ESYT2: variants seen among roughly 807,000 people sequenced by gnomAD.
The protein encoded by ESYT2 is extended synaptotagmin-2.
In ESYT2, 54 loss-of-function variants were observed where a neutral mutation model predicts 107.2. The observed-to-expected ratio is 0.50, with a 90% CI of 0.40 to 0.63. ESYT2 has a LOEUF of 0.63. Among genes scored for constraint, ESYT2 ranks in the 30% least tolerant of loss-of-function variants. The probability of loss-of-function intolerance (pLI) is 0.00; values close to 1 mark genes in which losing one functional copy is unlikely to be tolerated. For missense variants in ESYT2, 1,020 were observed against 1,094.5 expected (o/e 0.93, Z 0.96); for synonymous variants, 491 against 434.1 (o/e 1.13, Z -1.63).
chr7:158,806,444 G>A (rs901150923), intron 1 of ESYT2, among the ~76,000 whole-genome samples: 1 of 152,074 alleles, frequency 6.6e-6, no homozygotes, highest in Non-Finnish European at 1.5e-5. Flanking sequence ...TTTTAAAGGG[G>A]TTAAGCCCCC....
chr7:158,747,613 T>G (rs972464541), intron 16 of ESYT2, among the ~76,000 whole-genome samples: 1 of 152,160 alleles, frequency 6.6e-6, no homozygotes, highest in Non-Finnish European at 1.5e-5. Flanking sequence ...TCGGTGGGAA[T>G]GTGACACGGC....
intron 17 of ESYT2, among the ~76,000 whole-genome samples, chr7:158,743,241 T>C (rs1471403418): frequency 3.3e-5 from 5 of 152,176 alleles, no homozygotes; most frequent in Non-Finnish European, 7.3e-5. Flanking sequence ...AGGATAACGG[T>C]AAGGTTGCTG....
At chr7:158,763,755 A>T (rs1278390775) in intron 9 of ESYT2, among the ~76,000 whole-genome samples, 1 of 152,164 alleles carries the variant, frequency 6.6e-6, no homozygotes, top group African/African-American at 2.4e-5. Context: ...TCACTCCAAC[A>T]AGGTCATGAT....
chr7:158,769,228 C>T (rs1345114384), intron 7 of ESYT2, among the ~76,000 whole-genome samples: 2 of 152,278 alleles, frequency 1.3e-5, no homozygotes, highest in East Asian at 3.9e-4. Flanking sequence ...AAAAGAAAAA[C>T]CATATGTAAC....
At chr7:158,737,287 C>T in intron 19 of ESYT2, 108 bp from the exon 20 acceptor site, 2 of 1,393,418 alleles carry the variant, frequency 1.4e-6, no homozygotes, top group Non-Finnish European at 1.9e-6. Context: ...TATCTACAAA[C>T]CGAGAAGCAA....
At chr7:158,788,169 C>T (rs763945708) in intron 5 of ESYT2, 76 bp from the exon 6 acceptor site, 40 of 1,311,578 alleles carry the variant, frequency 3.0e-5, no homozygotes, top group Non-Finnish European at 3.8e-5. Flanking sequence ...AGTTTGCATG[C>T]GAATCTTAGT....
intron 16 of ESYT2, 24 bp downstream of exon 16, chr7:158,748,170 G>A (rs1204964938): frequency 6.2e-7 from 1 of 1,602,076 alleles, no homozygotes; most frequent in Non-Finnish European, 8.5e-7. Flanking sequence ...TCAATAAATT[G>A]GTTAAAAAAT....
chr7:158,825,507 T>C (rs2129474434), intron 1 of ESYT2, among the ~76,000 whole-genome samples: 1 of 152,346 alleles, frequency 6.6e-6, no homozygotes, highest in Non-Finnish European at 1.5e-5. Context: ...CTGTTTATAT[T>C]AAAGCTGTAG....
At chr7:158,781,502 A>C (rs973026032) in intron 6 of ESYT2, among the ~76,000 whole-genome samples, 1 of 150,482 alleles carries the variant, frequency 6.6e-6, no homozygotes, top group Non-Finnish European at 1.5e-5. Context: ...TGAACGAGTG[A>C]ACGTGTGAGA....
At chr7:158,768,870 T>A (rs530833054) in intron 7 of ESYT2, among the ~76,000 whole-genome samples, 1 of 152,306 alleles carries the variant, frequency 6.6e-6, no homozygotes, top group East Asian at 1.9e-4. Flanking sequence ...TCATCTCTAT[T>A]TAAACAAACA....
At chr7:158,752,025 T>A (rs1292711713) in intron 14 of ESYT2, among the ~76,000 whole-genome samples, 2 of 152,226 alleles carry the variant, frequency 1.3e-5, no homozygotes, top group Non-Finnish European at 2.9e-5. Context: ...CCTGCACTTT[T>A]GAAATCTAAC....
intron 6 of ESYT2, among the ~76,000 whole-genome samples, chr7:158,778,679 C>T (rs1351351739): frequency 6.6e-6 from 1 of 152,186 alleles, no homozygotes; most frequent in Admixed American, 6.5e-5. Context: ...GTCTCTCCAG[C>T]TAACTGACTC....
intron 21 of ESYT2, among the ~76,000 whole-genome samples, chr7:158,734,767 T>G (rs1836861490): frequency 6.6e-6 from 1 of 152,058 alleles, no homozygotes; most frequent in Non-Finnish European, 1.5e-5. Context: ...CAGCCTGTGC[T>G]TCTACAGACC....
chr7:158,741,922 T>C (rs772179303), intron 17 of ESYT2, 26 bp from the exon 18 acceptor site: 96 of 1,545,104 alleles, frequency 6.2e-5, no homozygotes, highest in Non-Finnish European at 8.1e-5. Flanking sequence ...AACATAAAAA[T>C]TAAACTTGGT....
intron 13 of ESYT2, among the ~76,000 whole-genome samples, chr7:158,753,392 C>T (rs532955419): frequency 7.9e-5 from 12 of 152,244 alleles, no homozygotes; most frequent in African/African-American, 2.6e-4. Flanking sequence ...CCCACAGAAG[C>T]TTCTTGGGCT....
At position 158,765,052 on chromosome 7, in the gene ESYT2, A is replaced by C. The variant is rs1838104673; in HGVS notation, c.925-199T>G. The stretch of plus-strand genomic sequence containing the variant: ...AGCAGGTGCTGAGACAAACAAGAGC[A>C]GGGCAAGGCAGCAGTGCCCAGGTGA... On this transcript the variant is annotated intron_variant, in intron 8 of 22. Transcript: ENST00000275418. Among the ~76,000 whole-genome samples, 4 of 152,306 alleles carry C rather than the reference A, an allele frequency of 2.6e-5. No homozygotes were observed. The South Asian group carries it at 8.3e-4, about 32-fold the overall frequency.
chr7:158,784,816 T>C (rs1474350287), intron 6 of ESYT2, among the ~76,000 whole-genome samples: 1 of 152,282 alleles, frequency 6.6e-6, no homozygotes, highest in East Asian at 1.9e-4. Flanking sequence ...GAGGAAGAAA[T>C]GGAATCTGCG....
At chr7:158,739,657 T>A (rs1333683602) in intron 18 of ESYT2, among the ~76,000 whole-genome samples, 1 of 152,138 alleles carries the variant, frequency 6.6e-6, no homozygotes, top group African/African-American at 2.4e-5. Context: ...CAACTGACAG[T>A]TTTTTAGTTA....
intron 4 of ESYT2, among the ~76,000 whole-genome samples, chr7:158,790,235 T>C (rs1584855019): frequency 6.6e-6 from 1 of 152,226 alleles, no homozygotes; most frequent in Non-Finnish European, 1.5e-5. Flanking sequence ...GGTACCAACT[T>C]TGTACATTCA....
Sources: allele counts gnomAD v4.1 joint callset (sites outside exome capture counted in the v4.1 genomes callset), GRCh38; gene constraint gnomAD v4.1.1; transcripts MANE v1.5; gene names NCBI Gene and HGNC (gene_info 2026-07-23, HGNC 2026-07-21).